Variants in GRM7 observed in about 807,000 individuals in gnomAD.
The protein encoded by GRM7 is metabotropic glutamate receptor 7.
In GRM7, 35 loss-of-function variants were observed where a neutral mutation model predicts 84.5. That is an observed-to-expected ratio of 0.41 (90% CI 0.32 to 0.55). GRM7 has a LOEUF of 0.55. Ranked by LOEUF, GRM7 falls within the 20% of genes least tolerant of loss-of-function variation. The probability of loss-of-function intolerance (pLI) is 0.19; values close to 1 mark genes in which losing one functional copy is unlikely to be tolerated. For synonymous variants in GRM7, 487 were observed against 455.1 expected (o/e 1.07, Z -0.89); for missense variants, 1,003 against 1,194.6 (o/e 0.84, Z 2.36).
chr3:7,645,323 C>A (rs1396026988), intron 8 of GRM7, among the ~76,000 whole-genome samples: 1 of 151,844 alleles, frequency 6.6e-6, no homozygotes, highest in Non-Finnish European at 1.5e-5. Flanking sequence ...CCAAGGCGGG[C>A]AGACCACAAG....
chr3:6,889,565 C>T (rs1217932490), intron 1 of GRM7, among the ~76,000 whole-genome samples: 9 of 152,190 alleles, frequency 5.9e-5, no homozygotes, highest in African/African-American at 1.9e-4. Context: ...ACCAGCCTTG[C>T]ATCCCAGGGA....
intron 2 of GRM7, among the ~76,000 whole-genome samples, chr3:7,162,274 G>C (rs1465708507): frequency 6.6e-6 from 1 of 152,132 alleles, no homozygotes; most frequent in Admixed American, 6.6e-5. Flanking sequence ...TACTTCAGTG[G>C]AGAAGATGCC....
chr3:7,473,508 G>C (rs1198434569), intron 7 of GRM7, among the ~76,000 whole-genome samples: 4 of 151,332 alleles, frequency 2.6e-5, no homozygotes, highest in Non-Finnish European at 2.9e-5. Flanking sequence ...GAGAGAGAGA[G>C]AGAGAGAGAG....
chr3:7,276,797 T>C (rs199938749), intron 2 of GRM7, among the ~76,000 whole-genome samples: 141 of 1,138 alleles, frequency 0.12, 3 homozygotes, highest in Non-Finnish European at 0.19. Flanking sequence ...CTTCCTTCCT[T>C]CCTTCCTTTT....
intron 4 of GRM7, among the ~76,000 whole-genome samples, chr3:7,331,105 C>T (rs900477250): frequency 2.0e-5 from 3 of 152,200 alleles, no homozygotes; most frequent in African/African-American, 7.2e-5. Context: ...ACAAAAACTC[C>T]ACAAGATCGG....
In GRM7 at chr3:7,497,569, C is replaced by G. The variant is rs78516674; in HGVS notation, c.1515+35847C>G. On this transcript the variant is annotated intron_variant, in intron 7 of 9. Transcript: ENST00000357716. ...ATTACATGTTAGCACTTCCACTTTG[C>G]AAAGAATGTCTGCATGTTCTTTTTC... 1.1e-4 allele frequency among the ~76,000 whole-genome samples: 16 copies of G among 152,246 alleles called. No individual in the cohort carries two copies. In the South Asian group the frequency reaches 3.3e-3, roughly 32 times the overall value.
intron 2 of GRM7, among the ~76,000 whole-genome samples, chr3:7,264,167 C>T (rs1698546471): frequency 6.6e-6 from 1 of 152,136 alleles, no homozygotes; most frequent in Non-Finnish European, 1.5e-5. Context: ...AAAAGGCCAA[C>T]ATACCGAGGG....
At chr3:7,353,985 A>G (rs987592474) in intron 4 of GRM7, among the ~76,000 whole-genome samples, 3 of 152,184 alleles carry the variant, frequency 2.0e-5, no homozygotes, top group Non-Finnish European at 4.4e-5. Flanking sequence ...ATACACAGAA[A>G]ACTTCCAGGT....
chr3:6,978,075 A>G (rs1236769093), intron 1 of GRM7, among the ~76,000 whole-genome samples: 1 of 152,198 alleles, frequency 6.6e-6, no homozygotes, highest in South Asian at 2.1e-4. Flanking sequence ...GTTTTTGCAG[A>G]AATAATTAAG....
At chr3:7,546,082 A>G (rs1346169299) in intron 7 of GRM7, among the ~76,000 whole-genome samples, 1 of 152,208 alleles carries the variant, frequency 6.6e-6, no homozygotes, top group Non-Finnish European at 1.5e-5. Context: ...CAAATTTATT[A>G]AAACCATACT....
intron 7 of GRM7, among the ~76,000 whole-genome samples, chr3:7,497,587 T>C (rs1699750858): frequency 6.6e-6 from 1 of 152,244 alleles, no homozygotes; most frequent in Non-Finnish European, 1.5e-5. Flanking sequence ...GTCTGCATGT[T>C]CTTTTTCATG....
chr3:7,018,770 A>C (rs1444857480), intron 1 of GRM7, among the ~76,000 whole-genome samples: 1 of 152,232 alleles, frequency 6.6e-6, no homozygotes, highest in Non-Finnish European at 1.5e-5. Context: ...GGCAATGCCA[A>C]TTCTCTAGGA....
chr3:7,098,824 A>G (rs1472164141), intron 1 of GRM7, among the ~76,000 whole-genome samples: 1 of 151,904 alleles, frequency 6.6e-6, no homozygotes, highest in Non-Finnish European at 1.5e-5. Context: ...CGTCTGATGC[A>G]TTTTCCATTT....
intron 1 of GRM7, among the ~76,000 whole-genome samples, chr3:7,067,481 C>T (rs1246559678): frequency 6.6e-6 from 1 of 151,850 alleles, no homozygotes; most frequent in African/African-American, 2.4e-5. Flanking sequence ...AGTTGAAAGA[C>T]CTCTACAAGG....
At chr3:7,390,174 A>G (rs975551348) in intron 4 of GRM7, among the ~76,000 whole-genome samples, 1 of 152,232 alleles carries the variant, frequency 6.6e-6, no homozygotes, top group East Asian at 1.9e-4. Context: ...AATGCTAAAA[A>G]TGCGCCCCCA....
intron 6 of GRM7, among the ~76,000 whole-genome samples, chr3:7,453,114 G>C (rs763826974): frequency 6.6e-6 from 1 of 151,320 alleles, no homozygotes; most frequent in Non-Finnish European, 1.5e-5. Flanking sequence ...GAAAGGAGCA[G>C]TTGCTGTAGG....
At chr3:7,212,346 T>A (rs1335315512) in intron 2 of GRM7, among the ~76,000 whole-genome samples, 1 of 152,170 alleles carries the variant, frequency 6.6e-6, no homozygotes, top group East Asian at 1.9e-4. Context: ...CATTCATTCA[T>A]TCATTCATTC....
At chr3:7,403,365 A>T (rs926859099) in intron 4 of GRM7, among the ~76,000 whole-genome samples, 4 of 151,592 alleles carry the variant, frequency 2.6e-5, no homozygotes, top group Non-Finnish European at 4.4e-5. Context: ...AATTGTATGT[A>T]TTGTAATAGA....
At chr3:7,630,781 T>C (rs528397727) in intron 8 of GRM7, among the ~76,000 whole-genome samples, 1 of 152,296 alleles carries the variant, frequency 6.6e-6, no homozygotes, top group South Asian at 2.1e-4. Context: ...GAGAAAACAG[T>C]TGACCCCCAG....
Sources: gnomAD v4.1 joint callset for allele counts (sites outside exome capture counted in the v4.1 genomes callset) on GRCh38, gnomAD v4.1.1 for gene constraint, MANE v1.5 for transcripts, NCBI Gene and HGNC (gene_info 2026-07-23, HGNC 2026-07-21) for gene names.